HLCS: variants seen among roughly 807,000 people sequenced by gnomAD.
HLCS encodes holocarboxylase synthetase, also known as biotin--protein ligase.
Under a neutral mutation model 75.0 loss-of-function variants are expected in HLCS, and 53 were observed. The observed-to-expected ratio is 0.71, with a 90% CI of 0.57 to 0.89. The LOEUF is 0.89. HLCS is among the 40% of genes least tolerant of loss of function. The pLI is 0.00. For synonymous variants in HLCS, 431 were observed against 428.6 expected (o/e 1.01, Z -0.07); for missense variants, 966 against 1,074.0 (o/e 0.90, Z 1.41).
chr21:36,885,929 C>G (rs548689288), intron 6 of HLCS, among the ~76,000 whole-genome samples: 1 of 152,300 alleles, frequency 6.6e-6, no homozygotes, highest in African/African-American at 2.4e-5. Context: ...GTTTACTCGT[C>G]TAATAAATTG....
chr21:36,754,267 G>A lies in HLCS; in HGVS notation c.2601C>T (p.Leu867=). Reference sequence around the variant, plus strand: ...GGCATTACCGCCGTTTGGGGAGGATGAGGTTTCTCAGCATGTCGAAGGAGT... The same window carrying A: ...GGCATTACCGCCGTTTGGGGAGGATAAGGTTTCTCAGCATGTCGAAGGAGT... ...DGNSFDMLRN[L]ILPKRR is the part of the protein sequence containing the mutation. Residue 867 remains leucine, a synonymous_variant, in exon 11 of 11, where the codon CTC becomes CTT. Transcript: ENST00000674895. The A allele has an allele frequency of 1.2e-6, 2 of 1,614,134 alleles. No homozygotes were observed. Among genetic ancestry groups the A allele is most frequent in the Non-Finnish European group, 8.5e-7 (1 of 1,180,038 alleles).
At chr21:36,981,238 G>C (rs1222965850) in intron 1 of HLCS, among the ~76,000 whole-genome samples, 1 of 152,170 alleles carries the variant, frequency 6.6e-6, no homozygotes, top group Non-Finnish European at 1.5e-5. Context: ...ACAGACAAAA[G>C]TAGCCAAATT....
chr21:36,907,417 AG>A (rs1362410786), intron 5 of HLCS, among the ~76,000 whole-genome samples: 4 of 152,232 alleles, frequency 2.6e-5, no homozygotes, highest in Non-Finnish European at 5.9e-5. Context: ...GAACTTTGGG[AG>A]GCTGAGGTGG....
chr21:36,758,642 C>A (rs1232323863), intron 9 of HLCS, among the ~76,000 whole-genome samples: 1 of 152,074 alleles, frequency 6.6e-6, no homozygotes, highest in Non-Finnish European at 1.5e-5. Flanking sequence ...TGCTTGTGGC[C>A]CCTACCTAGG....
intron 6 of HLCS, among the ~76,000 whole-genome samples, chr21:36,810,231 T>C (rs774454780): frequency 6.6e-6 from 1 of 152,204 alleles, no homozygotes; most frequent in East Asian, 1.9e-4. Flanking sequence ...CTGTAGAGGT[T>C]TGGGATTTTG....
chr21:36,853,161 CA>C (rs2146149357), intron 6 of HLCS, among the ~76,000 whole-genome samples: 1 of 152,298 alleles, frequency 6.6e-6, no homozygotes, highest in Admixed American at 6.5e-5. Flanking sequence ...AGAGGGCACA[CA>C]GGTACAAATG....
chr21:36,861,243 C>T (rs1277714923), intron 6 of HLCS, among the ~76,000 whole-genome samples: 1 of 152,128 alleles, frequency 6.6e-6, no homozygotes, highest in Non-Finnish European at 1.5e-5. Flanking sequence ...TCTCCACAGC[C>T]CTCCCCTTCC....
At position 36,752,677 on chromosome 21, in the gene HLCS, C is replaced by A. The variant is rs1477294157; in HGVS notation, c.*1569G>T. On this transcript the variant is annotated 3_prime_UTR_variant, in exon 11 of 11. Coordinates refer to ENST00000674895, the MANE Select transcript of HLCS (RefSeq NM_001352514.2). ...TGTTTGTTTTTTGAGAAAAATAATT[C>A]TAATTGAAGCCTCATTTCCAAAAAT... is the stretch of plus-strand genomic sequence containing the variant. 6.6e-6 allele frequency: 1 copy of A among 151,954 alleles called. No individual in the cohort carries two copies. The highest frequency in any genetic ancestry group is 2.0e-4 in the East Asian group (1 of 5,116). The allele number at this position is 151,954 out of a possible 1,614,324, so 9.4% of individuals were successfully genotyped here. A position where few individuals can be genotyped will look rare whatever the true frequency, so the allele number is the denominator to read the frequency against.
At position 36,781,821 on chromosome 21, in the gene HLCS, A is replaced by T. The variant is rs569495057; in HGVS notation, c.1893-14536T>A. On this transcript the variant is annotated intron_variant, in intron 6 of 10. Transcript: ENST00000674895. ...CCTGCTATATAAGATGCTATCTAGG[A>T]CTCACAGACACTTACAAGTCAGTAA... is the stretch of plus-strand genomic sequence containing the variant. 5.3e-5 allele frequency among the ~76,000 whole-genome samples: 8 copies of T among 152,270 alleles called. No homozygotes were observed. In the East Asian group the frequency reaches 1.5e-3, roughly 29 times the overall value.
chr21:36,847,179 G>C (rs1027603432), intron 6 of HLCS, among the ~76,000 whole-genome samples: 3 of 152,170 alleles, frequency 2.0e-5, no homozygotes, highest in Non-Finnish European at 4.4e-5. Flanking sequence ...AGAAACCTGA[G>C]AGATGGGCAA....
At chr21:36,853,000 C>A (rs548085310) in intron 6 of HLCS, among the ~76,000 whole-genome samples, 1 of 152,164 alleles carries the variant, frequency 6.6e-6, no homozygotes, top group African/African-American at 2.4e-5. Flanking sequence ...AACACAAATT[C>A]TCTATCTTTC....
intron 6 of HLCS, among the ~76,000 whole-genome samples, chr21:36,792,128 C>T (rs893477890): frequency 2.0e-5 from 3 of 152,098 alleles, no homozygotes; most frequent in Non-Finnish European, 4.4e-5. Context: ...CATCTCAGCA[C>T]CGGGTCCCTA....
intron 6 of HLCS, among the ~76,000 whole-genome samples, chr21:36,779,136 G>A (rs2060450429): frequency 9.1e-6 from 1 of 109,296 alleles, no homozygotes; most frequent in African/African-American, 3.6e-5. Context: ...GAGCTCTGTG[G>A]AACCTGAGTA....
At chr21:36,767,189 A>G in intron 7 of HLCS, 29 bp downstream of exon 7, 4 of 1,608,982 alleles carry the variant, frequency 2.5e-6, no homozygotes, top group Non-Finnish European at 3.4e-6. Flanking sequence ...AAACAGAAGT[A>G]ACAGCAATGA....
Position 36,753,990 on chromosome 21 carries a change from G to T in HLCS, c.*256C>A. 1 of 558,026 alleles carries T rather than the reference G, an allele frequency of 1.8e-6. No homozygotes were observed. Among genetic ancestry groups the T allele is most frequent in the Non-Finnish European group, 3.2e-6 (1 of 311,438 alleles). 34.6% of individuals were successfully genotyped at this position (558,026 alleles called of 1,614,324 possible). On this transcript the variant is annotated 3_prime_UTR_variant, in exon 11 of 11. Transcript: ENST00000674895. This position sits in a 1 kb window ranked among gnomAD's most constrained non-coding sequence, Gnocchi z 4.3. ...ACAATAAACGTAAGTCCAAGCCACA[G>T]AGGGGAGAGCAATTTCCCACCTGTG...
chr21:36,813,407 T>C lies in HLCS; in HGVS notation c.1893-46122A>G, dbSNP rs138573197. ...AGCAAGAAGACTTGTTCTTGAAAGG[T>C]TGAGTTTTTCAAATGAGTCCTGAAA... is the stretch of plus-strand genomic sequence containing the variant. On this transcript the variant is annotated intron_variant, in intron 6 of 10. Coordinates refer to ENST00000674895, the MANE Select transcript of HLCS (RefSeq NM_001352514.2). 7.9e-5 allele frequency among the ~76,000 whole-genome samples: 12 copies of C among 152,314 alleles called. No individual in the cohort carries two copies. In the East Asian group the frequency reaches 1.9e-3, roughly 25 times the overall value.
At chr21:36,917,422 C>T (rs540579010) in intron 5 of HLCS, among the ~76,000 whole-genome samples, 72 of 152,258 alleles carry the variant, frequency 4.7e-4, no homozygotes, top group African/African-American at 1.7e-3. Context: ...TTGTACAGCC[C>T]AAATGCAGGG....
intron 6 of HLCS, among the ~76,000 whole-genome samples, chr21:36,876,360 A>G (rs2063977412): frequency 6.6e-6 from 1 of 152,168 alleles, no homozygotes; most frequent in Non-Finnish European, 1.5e-5. Context: ...CGTGATTTTG[A>G]TTGAGCTTGT....
intron 2 of HLCS, among the ~76,000 whole-genome samples, chr21:36,959,892 T>A (rs1310516749): frequency 6.6e-6 from 1 of 152,082 alleles, no homozygotes; most frequent in Non-Finnish European, 1.5e-5. Flanking sequence ...CTGAAACATG[T>A]CCCCGTACTC....
Sources: gnomAD v4.1 joint callset for allele counts (sites outside exome capture counted in the v4.1 genomes callset) on GRCh38, gnomAD v4.1.1 for gene constraint, Gnocchi (gnomAD v3.1) non-coding constraint, MANE v1.5 for transcripts, NCBI Gene and HGNC (gene_info 2026-07-23, HGNC 2026-07-21) for gene names.